FMN2: variants seen among roughly 807,000 people sequenced by gnomAD.
FMN2 encodes formin 2, also known as formin-2.
In FMN2, 51 loss-of-function variants were observed where a neutral mutation model predicts 142.3. That is an observed-to-expected ratio of 0.36 (90% CI 0.29 to 0.45). FMN2 has a LOEUF of 0.45. Ranked by LOEUF, FMN2 falls within the 20% of genes least tolerant of loss-of-function variation. The probability of loss-of-function intolerance (pLI) is 1.00; values close to 1 mark genes in which losing one functional copy is unlikely to be tolerated. For synonymous variants in FMN2, 882 were observed against 869.8 expected, an observed-to-expected ratio of 1.01 and a Z score of -0.25; for missense variants, 1,936 against 2,122.8, an observed-to-expected ratio of 0.91 and a Z score of 1.73.
chr1:240,429,352 A>T (rs1675059801), intron 15 of FMN2, among the ~76,000 whole-genome samples: 1 of 152,060 alleles, frequency 6.6e-6, no homozygotes, highest in African/African-American at 2.4e-5. Flanking sequence ...TCTTTCAATA[A>T]GTTTGTTTAG....
intron 14 of FMN2, among the ~76,000 whole-genome samples, chr1:240,374,532 T>C (rs1672980909): frequency 6.6e-6 from 1 of 152,212 alleles, no homozygotes; most frequent in South Asian, 2.1e-4. Flanking sequence ...TTTTATGCTA[T>C]GGAGACAGAT....
chr1:240,311,833 T>C (rs1307439810), intron 8 of FMN2, among the ~76,000 whole-genome samples: 1 of 152,224 alleles, frequency 6.6e-6, no homozygotes, highest in Non-Finnish European at 1.5e-5. Context: ...TATTTTACTT[T>C]ATTTTATTAA....
rs542997748 is a variant in FMN2 at position 240,473,336 on chromosome 1, G to T, written c.5143-792G>T. 5.9e-5 allele frequency among the ~76,000 whole-genome samples: 9 copies of T among 152,314 alleles called. No homozygotes were observed. In the South Asian group the frequency reaches 1.9e-3, roughly 32 times the overall value. The stretch of plus-strand genomic sequence containing the variant: ...ATGCCAGGTTATCCACCCTGGGAGG[G>T]AAGGGCTTGGTTAAAATGACAAGGC... On this transcript the variant is annotated intron_variant, in intron 17 of 17. Coordinates refer to ENST00000319653, the MANE Select transcript of FMN2 (RefSeq NM_020066.5). This position sits in a 1 kb window ranked among gnomAD's most constrained non-coding sequence, Gnocchi z 4.3.
At position 240,207,204 on chromosome 1, in the gene FMN2, C is replaced by G. The variant is rs370148847; in HGVS notation, c.2392C>G (p.Leu798Val). Residue 798 changes from leucine to valine, a missense_variant, in exon 5 of 18, where the codon CTC (leucine) becomes GTC (valine). Physicochemically the swap from Leu to Val is conservative, Grantham distance 32. Transcript: ENST00000319653. ...GTCTCCAAGGCGAATATCAGTCCAG[C>G]TCGACAGCCATCAGCCCACACAGAG... Reference protein sequence around the residue: ...IVSPRRISVQLDSHQPTQSIS... With the variant: ...IVSPRRISVQVDSHQPTQSIS... The G allele has an allele frequency of 1.4e-5, 22 of 1,613,886 alleles. No homozygotes were observed. The highest frequency in any genetic ancestry group is 6.7e-5 in the African/African-American group (5 of 74,866).
chr1:240,094,511 C>A (rs1007185029), intron 1 of FMN2, among the ~76,000 whole-genome samples: 2 of 152,138 alleles, frequency 1.3e-5, no homozygotes, highest in Non-Finnish European at 2.9e-5. Flanking sequence ...ATACCCAGGG[C>A]GGCATAAAGC....
intron 2 of FMN2, among the ~76,000 whole-genome samples, chr1:240,157,896 G>A (rs1187296470): frequency 6.6e-6 from 1 of 150,780 alleles, no homozygotes; most frequent in Non-Finnish European, 1.5e-5. Context: ...TAGCACTTTA[G>A]GAGCCTGAGG....
Position 240,206,652 on chromosome 1 carries a change from G to T in FMN2, c.1987-147G>T. ...TTGAAATCTCAGGGTGCAAGCCAGGGGACACATAGAAATATTAATACCATC... is the reference window on the plus strand; with the variant it reads ...TTGAAATCTCAGGGTGCAAGCCAGGTGACACATAGAAATATTAATACCATC... On this transcript the variant is annotated intron_variant, in intron 4 of 17. Transcript: ENST00000319653. The T allele has an allele frequency of 4.1e-6, 4 of 967,546 alleles. No individual in the cohort carries two copies. The South Asian group carries it at 7.1e-5, about 17-fold the overall frequency. 59.9% of individuals were successfully genotyped at this position (967,546 alleles called of 1,614,324 possible). A position where few individuals can be genotyped will look rare whatever the true frequency, so the allele number is the denominator to read the frequency against.
chr1:240,291,772 TA>T (rs1156683297), intron 7 of FMN2, among the ~76,000 whole-genome samples: 1 of 152,002 alleles, frequency 6.6e-6, no homozygotes, highest in Non-Finnish European at 1.5e-5. Context: ...ACGGGGAAGC[TA>T]AAACACAAAT....
chr1:240,421,959 T>C (rs1189783520), intron 15 of FMN2, among the ~76,000 whole-genome samples: 1 of 152,164 alleles, frequency 6.6e-6, no homozygotes, highest in Non-Finnish European at 1.5e-5. Context: ...CACCAGGTCA[T>C]GGCTCCTGAG....
At chr1:240,464,699 G>A (rs1049614188) in intron 16 of FMN2, among the ~76,000 whole-genome samples, 4 of 152,002 alleles carry the variant, frequency 2.6e-5, no homozygotes, top group Non-Finnish European at 5.9e-5. Context: ...TGCTGGCCCC[G>A]GACCCCCAGG....
intron 1 of FMN2, among the ~76,000 whole-genome samples, chr1:240,098,364 A>C (rs66837526): frequency 1.3e-5 from 2 of 151,806 alleles, no homozygotes; most frequent in Non-Finnish European, 2.9e-5. Flanking sequence ...GGCCTCCCCA[A>C]GTGCTAGGAG....
chr1:240,468,348 A>G (rs942560805), intron 16 of FMN2, among the ~76,000 whole-genome samples: 1 of 152,174 alleles, frequency 6.6e-6, no homozygotes, highest in Non-Finnish European at 1.5e-5. Flanking sequence ...ACGTATATAT[A>G]TCTCTTCATG....
chr1:240,275,226 C>T (rs1450575062), intron 7 of FMN2, among the ~76,000 whole-genome samples: 1 of 151,956 alleles, frequency 6.6e-6, no homozygotes, highest in East Asian at 1.9e-4. Context: ...TCTCCTAATG[C>T]TATCCCTCCC....
At chr1:240,167,869 G>A (rs1664542541) in intron 2 of FMN2, among the ~76,000 whole-genome samples, 1 of 152,042 alleles carries the variant, frequency 6.6e-6, no homozygotes, top group Non-Finnish European at 1.5e-5. Context: ...TTGAGGTCAG[G>A]AGTTCGAGAC....
intron 15 of FMN2, among the ~76,000 whole-genome samples, chr1:240,427,625 A>G (rs904226802): frequency 1.3e-5 from 2 of 152,116 alleles, no homozygotes; most frequent in African/African-American, 2.4e-5. Context: ...ACTTTTTTCT[A>G]CTTAAAATTG....
At chr1:240,237,539 A>G (rs575507362) in intron 6 of FMN2, among the ~76,000 whole-genome samples, 115 of 152,284 alleles carry the variant, frequency 7.6e-4, no homozygotes, top group African/African-American at 2.7e-3. Flanking sequence ...TAAATACCGC[A>G]GCTGGTCTTT....
At chr1:240,407,836 A>T (rs1333913620) in intron 15 of FMN2, among the ~76,000 whole-genome samples, 1 of 152,144 alleles carries the variant, frequency 6.6e-6, no homozygotes, top group Admixed American at 6.5e-5. Context: ...TCTTAAGGAG[A>T]AATGTTAGCA....
intron 15 of FMN2, among the ~76,000 whole-genome samples, chr1:240,431,797 A>G (rs1458658882): frequency 6.6e-6 from 1 of 151,408 alleles, no homozygotes; most frequent in African/African-American, 2.4e-5. Flanking sequence ...ACCAAATTGT[A>G]TTATGGGGGT....
intron 1 of FMN2, among the ~76,000 whole-genome samples, chr1:240,122,233 A>G (rs1241557286): frequency 6.6e-6 from 1 of 151,196 alleles, no homozygotes; most frequent in Non-Finnish European, 1.5e-5. Flanking sequence ...GATTATAGGC[A>G]CCCACCACCA....
Sources: gnomAD v4.1 joint callset for allele counts (sites outside exome capture counted in the v4.1 genomes callset) on GRCh38, gnomAD v4.1.1 for gene constraint, Gnocchi (gnomAD v3.1) non-coding constraint, MANE v1.5 for transcripts, NCBI Gene and HGNC (gene_info 2026-07-23, HGNC 2026-07-21) for gene names.